The following ROBO1 variants were observed in gnomAD, a reference collection of about 807,000 sequenced individuals.
ROBO1 encodes roundabout homolog 1.
ROBO1 carries 149 observed loss-of-function variants against 195.9 expected under a neutral mutation model. The observed-to-expected ratio is 0.76, with a 90% CI of 0.67 to 0.87. The LOEUF is 0.87. Ranked by LOEUF, ROBO1 falls within the 40% of genes least tolerant of loss-of-function variation. ROBO1 has a pLI of 0.00. For missense variants in ROBO1, 1,933 were observed against 2,068.3 expected, an observed-to-expected ratio of 0.93 and a Z score of 1.27; for synonymous variants, 816 against 733.2, an observed-to-expected ratio of 1.11 and a Z score of -1.82.
chr3:78,767,263 T>G (rs370375151), intron 4 of ROBO1, among the ~76,000 whole-genome samples: 2 of 133,186 alleles, frequency 1.5e-5, no homozygotes, highest in African/African-American at 5.6e-5. Flanking sequence ...TTTTTTTTTT[T>G]GTCGGTAATT....
At chr3:78,860,013 A>G (rs1478398835) in intron 4 of ROBO1, among the ~76,000 whole-genome samples, 5 of 151,312 alleles carry the variant, frequency 3.3e-5, no homozygotes, top group Non-Finnish European at 5.9e-5. Flanking sequence ...CAGGAGGCGG[A>G]GCTTGCAGTG....
chr3:79,451,084 C>G (rs980135390), intron 2 of ROBO1, among the ~76,000 whole-genome samples: 5 of 151,870 alleles, frequency 3.3e-5, no homozygotes, highest in Admixed American at 1.3e-4. Context: ...TATTACTACA[C>G]TTTATATGAC....
At chr3:78,903,694 C>A (rs2107490132) in intron 4 of ROBO1, among the ~76,000 whole-genome samples, 1 of 152,130 alleles carries the variant, frequency 6.6e-6, no homozygotes, top group Non-Finnish European at 1.5e-5. Flanking sequence ...AGTTCATTTT[C>A]TCAATATTAA....
At position 79,587,687 on chromosome 3, in the gene ROBO1, T is replaced by C. The variant is rs1241199599; in HGVS notation, c.88+2137A>G. Among the ~76,000 whole-genome samples the C allele has an allele frequency of 3.3e-5, 5 of 151,702 alleles. 1 individual carries two copies. The highest frequency in any genetic ancestry group is 4.1e-4 in the South Asian group (2 of 4,830). On this transcript the variant is annotated intron_variant, in intron 2 of 30. Coordinates refer to ENST00000464233, the MANE Select transcript of ROBO1 (RefSeq NM_002941.4). ...AATCCAGTTTTTGCTTCCTCTGAGATATGCTCAATTCAATCCAGATCCAAG... is the reference window on the plus strand; with the variant it reads ...AATCCAGTTTTTGCTTCCTCTGAGACATGCTCAATTCAATCCAGATCCAAG...
chr3:78,651,223 TTC>T (rs953057694), intron 19 of ROBO1, among the ~76,000 whole-genome samples: 41 of 152,284 alleles, frequency 2.7e-4, no homozygotes, highest in Middle Eastern at 3.4e-3. Context: ...ACTAACCCTC[TTC>T]TCTCTGTAAG....
At chr3:78,640,024 C>T in intron 21 of ROBO1, 126 bp from the exon 22 acceptor site, 1 of 797,694 alleles carries the variant, frequency 1.3e-6, no homozygotes, top group East Asian at 2.8e-5. Context: ...TGCTGAATGA[C>T]ATTATTATCC....
chr3:78,664,292 C>A (rs146982081), intron 14 of ROBO1, among the ~76,000 whole-genome samples: 1 of 152,314 alleles, frequency 6.6e-6, no homozygotes, highest in Non-Finnish European at 1.5e-5. Context: ...ACTTCGTATA[C>A]ACAACCTCAG....
intron 18 of ROBO1, among the ~76,000 whole-genome samples, chr3:78,654,531 G>A (rs1250313858): frequency 6.6e-6 from 1 of 152,074 alleles, no homozygotes; most frequent in Non-Finnish European, 1.5e-5. Context: ...TAGATTTCAT[G>A]GCTATTTGTG....
intron 3 of ROBO1, among the ~76,000 whole-genome samples, chr3:78,943,969 T>A (rs559113486): frequency 1.6e-3 from 237 of 152,358 alleles, no homozygotes; most frequent in African/African-American, 5.5e-3. Flanking sequence ...GTAATCATCA[T>A]CTTTATTAAA....
chr3:78,866,925 A>G (rs1223963633), intron 4 of ROBO1, among the ~76,000 whole-genome samples: 2 of 152,208 alleles, frequency 1.3e-5, no homozygotes, highest in Non-Finnish European at 2.9e-5. Context: ...TTTACGCAGG[A>G]GAGTTTTAGA....
intron 4 of ROBO1, among the ~76,000 whole-genome samples, chr3:78,920,988 A>G (rs2038912958): frequency 6.6e-6 from 1 of 152,036 alleles, no homozygotes; most frequent in Non-Finnish European, 1.5e-5. Flanking sequence ...GACATGGCAA[A>G]TTTATTTAAA....
chr3:78,712,125 C>T (rs1194823023), intron 8 of ROBO1, among the ~76,000 whole-genome samples: 3 of 150,560 alleles, frequency 2.0e-5, no homozygotes, highest in African/African-American at 7.3e-5. Context: ...AAATGGCCAC[C>T]CTTATGTAAG....
chr3:78,612,456 G>C (rs927488926), intron 28 of ROBO1, among the ~76,000 whole-genome samples: 4 of 152,076 alleles, frequency 2.6e-5, no homozygotes, highest in African/African-American at 9.7e-5. Flanking sequence ...CAAAAATGCA[G>C]TGTAGTACTT....
Position 79,108,982 on chromosome 3 carries a change from T to G in ROBO1, c.172+16474A>C, listed in dbSNP as rs935331378. Among the ~76,000 whole-genome samples, 7 of 151,902 alleles carry G rather than the reference T, an allele frequency of 4.6e-5. No individual in the cohort carries two copies. In the East Asian group the frequency reaches 1.3e-3, roughly 29 times the overall value. On this transcript the variant is annotated intron_variant, in intron 3 of 30. Transcript: ENST00000464233. ...GTATTTTATGCAGCTCTTTATAGCT[T>G]AAGGTTAAGGTATATCACAGTGCCT...
At chr3:79,473,041 G>T (rs1047235550) in intron 2 of ROBO1, among the ~76,000 whole-genome samples, 1 of 152,124 alleles carries the variant, frequency 6.6e-6, no homozygotes, top group Non-Finnish European at 1.5e-5. Flanking sequence ...GGGTTGAATT[G>T]ATTCCTCCAA....
chr3:79,430,898 C>T (rs906193075), intron 2 of ROBO1, among the ~76,000 whole-genome samples: 1 of 152,006 alleles, frequency 6.6e-6, no homozygotes, highest in Non-Finnish European at 1.5e-5. Flanking sequence ...TGATTTAGTG[C>T]ATTATGTTAG....
chr3:78,931,092 T>C (rs774296625), intron 4 of ROBO1, among the ~76,000 whole-genome samples: 11 of 152,160 alleles, frequency 7.2e-5, no homozygotes, highest in Non-Finnish European at 1.2e-4. Context: ...TTGGTCACCA[T>C]TGACTAGCTA....
At chr3:79,517,091 G>A (rs1228111583) in intron 2 of ROBO1, among the ~76,000 whole-genome samples, 1 of 152,066 alleles carries the variant, frequency 6.6e-6, no homozygotes, top group Non-Finnish European at 1.5e-5. Context: ...TTCCCTTAGT[G>A]TAAAAATCAT....
At chr3:79,110,052 T>C (rs974506059) in intron 3 of ROBO1, among the ~76,000 whole-genome samples, 2 of 152,022 alleles carry the variant, frequency 1.3e-5, no homozygotes, top group Admixed American at 6.6e-5. Flanking sequence ...CTGGATTTGA[T>C]AGTGTGTCAA....
Sources: gnomAD v4.1 joint callset for allele counts (sites outside exome capture counted in the v4.1 genomes callset) on GRCh38, gnomAD v4.1.1 for gene constraint, MANE v1.5 for transcripts, NCBI Gene and HGNC (gene_info 2026-07-23, HGNC 2026-07-21) for gene names.